The following FRMPD1 variants were observed in gnomAD, a reference collection of about 807,000 sequenced individuals.
FRMPD1 encodes FERM and PDZ domain-containing protein 1.
FRMPD1 carries 76 observed loss-of-function variants against 117.8 expected under a neutral mutation model. That is an observed-to-expected ratio of 0.65 (90% confidence interval 0.54 to 0.78). FRMPD1 has a LOEUF of 0.78. FRMPD1 is among the 30% of genes least tolerant of loss of function. The pLI is 0.00. For synonymous variants in FRMPD1, 783 were observed against 770.4 expected (o/e 1.02, Z -0.27); for missense variants, 1,786 against 1,964.5 (o/e 0.91, Z 1.72).
intron 6 of FRMPD1, among the ~76,000 whole-genome samples, chr9:37,721,233 A>G (rs1290351514): frequency 6.6e-6 from 1 of 152,236 alleles, no homozygotes; most frequent in Non-Finnish European, 1.5e-5. Flanking sequence ...CATCAGCCAC[A>G]TAAGGCAGAG....
At chr9:37,693,035 C>G (rs1376764961) in intron 2 of FRMPD1, 1 of 456,926 alleles carries the variant, frequency 2.2e-6, no homozygotes, top group Admixed American at 3.5e-5. Flanking sequence ...CTCATACATA[C>G]TCATACGCAC....
chr9:37,648,308 G>T (rs543238362), upstream of FRMPD1, among the ~76,000 whole-genome samples: 1 of 152,198 alleles, frequency 6.6e-6, no homozygotes, highest in South Asian at 2.1e-4. Context: ...ATTACATAAG[G>T]TACCCTAAGA....
chr9:37,618,623 T>G, the FRMPD1 span, among the ~76,000 whole-genome samples: 1 of 152,162 alleles, frequency 6.6e-6, no homozygotes, highest in African/African-American at 2.4e-5. Flanking sequence ...TGGTCCAAAT[T>G]AACCTTTCCA....
At chr9:37,738,408 T>C (rs1824232313) in intron 14 of FRMPD1, among the ~76,000 whole-genome samples, 1 of 152,170 alleles carries the variant, frequency 6.6e-6, no homozygotes, top group Non-Finnish European at 1.5e-5. Context: ...GGTGCAATCT[T>C]GGCTCACTGC....
chr9:37,698,679 A>C (rs1201059145), intron 2 of FRMPD1, among the ~76,000 whole-genome samples: 2 of 148,012 alleles, frequency 1.4e-5, no homozygotes, highest in African/African-American at 5.0e-5. Context: ...CTCCTGCCTC[A>C]GTCGCCCGCG....
At chr9:37,648,396 C>T (rs1820567240), upstream of FRMPD1, among the ~76,000 whole-genome samples, 1 of 152,026 alleles carries the variant, frequency 6.6e-6, no homozygotes, top group South Asian at 2.1e-4. Context: ...TGTGGATTCA[C>T]GTGATGCTAA....
the FRMPD1 span, chr9:37,637,289 T>C: frequency 6.6e-7 from 1 of 1,526,576 alleles, no homozygotes; most frequent in South Asian, 1.1e-5. Flanking sequence ...ATATCCGGGG[T>C]TCATGGCGGC....
At chr9:37,609,191 C>G in the FRMPD1 span, among the ~76,000 whole-genome samples, 3 of 151,914 alleles carry the variant, frequency 2.0e-5, no homozygotes, top group Non-Finnish European at 4.4e-5. Flanking sequence ...ACTTGGGAGG[C>G]TGAGGCAGGA....
At chr9:37,665,473 G>T (rs997167817) in intron 1 of FRMPD1, among the ~76,000 whole-genome samples, 3 of 152,150 alleles carry the variant, frequency 2.0e-5, no homozygotes, top group Non-Finnish European at 4.4e-5. Context: ...AGGAAGAGTG[G>T]TCTTAGGTCC....
At chr9:37,711,502 G>T (rs1479085724) in intron 5 of FRMPD1, 107 bp downstream of exon 5, 1 of 861,986 alleles carries the variant, frequency 1.2e-6, no homozygotes, top group Non-Finnish European at 2.0e-6. Flanking sequence ...GGCAAAGGGT[G>T]GAGGGTGACA....
Position 37,676,867 on chromosome 9 carries a change from T to C in FRMPD1, c.-4-15771T>C, listed in dbSNP as rs1269363298. 2.0e-5 allele frequency among the ~76,000 whole-genome samples: 3 copies of C among 152,126 alleles called. No homozygotes were observed. In the East Asian group the frequency reaches 5.8e-4, roughly 29 times the overall value. On this transcript the variant is annotated intron_variant, in intron 1 of 15. Coordinates refer to ENST00000377765, the MANE Select transcript of FRMPD1 (RefSeq NM_014907.3). ...TTCTTATGGGCCCCACTCTCTGCCTTATATTGGTTAGGAGTTTTCTATGTG... is the reference window on the plus strand; with the variant it reads ...TTCTTATGGGCCCCACTCTCTGCCTCATATTGGTTAGGAGTTTTCTATGTG...
rs779009213 is a variant in FRMPD1, at chr9:37,740,847, C to T, written c.2319C>T (p.Asp773=). Residue 773 remains aspartate, a synonymous_variant, in exon 15 of 16, where the codon GAC becomes GAT. Coordinates refer to ENST00000377765, the MANE Select transcript of FRMPD1 (RefSeq NM_014907.3). The surrounding 1 kb of genome is among the most constrained non-coding windows in gnomAD (Gnocchi z 4.2). ...GCAGCTCAGATGAGGAATACTATGA[C>T]GCGGCTGATAAGCTCACTCCCCCAG... ...EDGSSDEEYY[D]AADKLTPPGP... is the part of the protein sequence containing the mutation. 5.4e-5 allele frequency: 87 copies of T among 1,614,006 alleles called. No individual in the cohort carries two copies. The highest frequency in any genetic ancestry group is 3.3e-4 in the Middle Eastern group (2 of 6,084).
intron 1 of FRMPD1, among the ~76,000 whole-genome samples, chr9:37,660,793 C>T (rs962969329): frequency 6.6e-6 from 1 of 152,134 alleles, no homozygotes; most frequent in South Asian, 2.1e-4. Context: ...CCCCACTTGA[C>T]TGTGAGCTTC....
At chr9:37,714,103 G>A (rs1477268732) in intron 5 of FRMPD1, among the ~76,000 whole-genome samples, 1 of 152,162 alleles carries the variant, frequency 6.6e-6, no homozygotes, top group Non-Finnish European at 1.5e-5. Flanking sequence ...AGTATTTTAG[G>A]TATCGATAAA....
At chr9:37,659,280 C>G (rs1288877315) in intron 1 of FRMPD1, among the ~76,000 whole-genome samples, 1 of 152,244 alleles carries the variant, frequency 6.6e-6, no homozygotes, top group Non-Finnish European at 1.5e-5. Flanking sequence ...TCCAGGGTCA[C>G]TGGCCTCAGA....
Position 37,707,419 on chromosome 9 carries a change from T to C in FRMPD1, c.105T>C (p.Ala35=), listed in dbSNP as rs1422619583. The C allele has an allele frequency of 6.2e-7, 1 of 1,613,530 alleles. No homozygotes were observed. Among genetic ancestry groups the C allele is most frequent in the Non-Finnish European group, 8.5e-7 (1 of 1,179,762 alleles). Residue 35 remains alanine (A), a synonymous_variant, in exon 3 of 16, where the codon GCT becomes GCC. Transcript: ENST00000377765. ...LRRSRDSSAR[A]KVAAADGPAR... is the part of the protein sequence containing the mutation. ...TTACATACTCCTTCTCTTCCAGGGC[T>C]AAAGTTGCTGCAGCTGATGGGCCCG...
the FRMPD1 span, among the ~76,000 whole-genome samples, chr9:37,622,922 A>T: frequency 3.3e-5 from 5 of 152,204 alleles, no homozygotes; most frequent in African/African-American, 4.8e-5. Context: ...GAAAAGAAAA[A>T]AAAAAACAAA....
intron 15 of FRMPD1, among the ~76,000 whole-genome samples, chr9:37,741,868 C>T (rs1019584242): frequency 3.3e-5 from 5 of 152,308 alleles, no homozygotes; most frequent in South Asian, 2.1e-4. Context: ...GGTGCCCATC[C>T]GTCTATCAGA....
At chr9:37,672,993 T>C (rs1294515825) in intron 1 of FRMPD1, among the ~76,000 whole-genome samples, 8 of 152,182 alleles carry the variant, frequency 5.3e-5, no homozygotes, top group Non-Finnish European at 1.2e-4. Context: ...ATTCTGCCCT[T>C]GGCCCCTCCA....
Sources: allele counts gnomAD v4.1 joint callset (sites outside exome capture counted in the v4.1 genomes callset), GRCh38; gene constraint gnomAD v4.1.1; non-coding constraint Gnocchi (gnomAD v3.1); transcripts MANE v1.5; gene names NCBI Gene and HGNC (gene_info 2026-07-23, HGNC 2026-07-21).